INPP4B: variants seen among roughly 807,000 people sequenced by gnomAD.
The protein encoded by INPP4B is inositol polyphosphate-4-phosphatase type II B, also known as inositol polyphosphate 4-phosphatase type II.
A neutral mutation model predicts 122.5 loss-of-function variants in INPP4B; 55 were observed. The ratio of observed to expected loss-of-function variants is 0.45; its 90% CI spans 0.36 to 0.56. INPP4B has a LOEUF of 0.56. Ranked by LOEUF, INPP4B falls within the 20% of genes least tolerant of loss-of-function variation. The pLI, the probability that INPP4B is intolerant of heterozygous loss-of-function variation, is 0.00. For missense variants in INPP4B, 1,000 were observed against 1,097.7 expected, an observed-to-expected ratio of 0.91 and a Z score of 1.26; for synonymous variants, 403 against 388.7, an observed-to-expected ratio of 1.04 and a Z score of -0.43.
At chr4:142,290,736 T>G (rs1756086735) in intron 9 of INPP4B, among the ~76,000 whole-genome samples, 1 of 152,146 alleles carries the variant, frequency 6.6e-6, no homozygotes, top group Admixed American at 6.6e-5. Flanking sequence ...CCAATGAGAT[T>G]GGCACTGATC....
rs989054510 is a variant in INPP4B, at chr4:142,829,003, C to T, written c.-254+17206G>A. 1.1e-4 allele frequency among the ~76,000 whole-genome samples: 16 copies of T among 150,046 alleles called. No individual in the cohort carries two copies. The Admixed American group carries it at 1.1e-3, about 10-fold the overall frequency. On this transcript the variant is annotated intron_variant, in intron 1 of 25. Transcript: ENST00000262992. The stretch of plus-strand genomic sequence containing the variant: ...CCCCTGACTTCTGATGAACTTTAGC[C>T]AGGGTGGATCATAGGTAGATCAGAG...
chr4:142,277,682 TAC>T lies in INPP4B; in HGVS notation c.504-6910_504-6909del, dbSNP rs3076592. Among the ~76,000 whole-genome samples, 706 of 147,118 alleles carry T rather than the reference TAC, an allele frequency of 4.8e-3. 3 individuals carry two copies. Among genetic ancestry groups the T allele is most frequent in the Non-Finnish European group, 6.5e-3 (435 of 66,508 alleles). On this transcript the variant is annotated intron_variant, in intron 9 of 25. Transcript: ENST00000262992. ...AGAAAATATCATACACACACACACA[TAC>T]ACACACACACACACACACACACACC... is the stretch of plus-strand genomic sequence containing the variant.
intron 2 of INPP4B, among the ~76,000 whole-genome samples, chr4:142,515,914 G>T (rs915820011): frequency 6.6e-6 from 1 of 152,066 alleles, no homozygotes; most frequent in Admixed American, 6.6e-5. Flanking sequence ...CCATGAAAAG[G>T]CATTGTTCTA....
At chr4:142,687,361 A>C (rs1759494422) in intron 2 of INPP4B, among the ~76,000 whole-genome samples, 1 of 152,052 alleles carries the variant, frequency 6.6e-6, no homozygotes, top group South Asian at 2.1e-4. Flanking sequence ...GAAAATCAAG[A>C]AAAGGCAAAA....
At chr4:142,414,247 A>G (rs1206544632) in intron 5 of INPP4B, among the ~76,000 whole-genome samples, 1 of 152,064 alleles carries the variant, frequency 6.6e-6, no homozygotes, top group Non-Finnish European at 1.5e-5. Context: ...ACATGTCACC[A>G]TTATTTTATG....
chr4:142,432,140 C>G (rs1426905354), intron 3 of INPP4B, among the ~76,000 whole-genome samples: 1 of 152,030 alleles, frequency 6.6e-6, no homozygotes, highest in Non-Finnish European at 1.5e-5. Context: ...TTATATTTAA[C>G]ATGATATATA....
At chr4:142,510,614 A>C (rs1824590849) in intron 2 of INPP4B, among the ~76,000 whole-genome samples, 1 of 152,202 alleles carries the variant, frequency 6.6e-6, no homozygotes, top group African/African-American at 2.4e-5. Context: ...TATGTAATGT[A>C]GAGTTCTATT....
intron 12 of INPP4B, among the ~76,000 whole-genome samples, chr4:142,209,544 G>T (rs759358774): frequency 6.6e-6 from 1 of 151,886 alleles, no homozygotes; most frequent in Non-Finnish European, 1.5e-5. Flanking sequence ...TGTAATCCCA[G>T]CACTTTGGGA....
At position 142,305,490 on chromosome 4, in the gene INPP4B, C is replaced by G; in HGVS notation, c.471G>C (p.Lys157Asn). The G allele has an allele frequency of 6.2e-7, 1 of 1,613,066 alleles. No individual in the cohort carries two copies. The highest frequency in any genetic ancestry group is 8.5e-7 in the Non-Finnish European group (1 of 1,179,374). Residue 157 changes from lysine to asparagine, a missense_variant, in exon 9 of 26, where the codon AAG (lysine) becomes AAC (asparagine). Transcript: ENST00000262992. ...TCAGGACCAGCAATTGCTCCTTTGA[C>G]TTCAGCAGCTCTCCCACTTTAAAAC... ...YASFKVGELL[K>N]SKEQLLVLSL...
chr4:142,050,889 A>G (rs533253381), intron 25 of INPP4B, among the ~76,000 whole-genome samples: 1 of 152,106 alleles, frequency 6.6e-6, no homozygotes, highest in African/African-American at 2.4e-5. Context: ...CACAGATACA[A>G]CCAACCACCC....
intron 1 of INPP4B, among the ~76,000 whole-genome samples, chr4:142,758,442 T>C (rs889308946): frequency 1.3e-5 from 2 of 152,078 alleles, no homozygotes; most frequent in African/African-American, 4.8e-5. Flanking sequence ...AGGACTCTTT[T>C]TGGAAAAGAG....
chr4:142,491,100 C>T (rs1269403246), intron 2 of INPP4B, among the ~76,000 whole-genome samples: 2 of 152,070 alleles, frequency 1.3e-5, no homozygotes, highest in Non-Finnish European at 2.9e-5. Context: ...ATTTCTGGAT[C>T]ATAAGGTAGT....
At chr4:142,811,921 A>T (rs912153070) in intron 1 of INPP4B, among the ~76,000 whole-genome samples, 5 of 152,190 alleles carry the variant, frequency 3.3e-5, no homozygotes, top group African/African-American at 1.2e-4. Context: ...TAATTGAATA[A>T]ATATATACTC....
chr4:142,171,164 C>A (rs773640314), intron 16 of INPP4B, among the ~76,000 whole-genome samples: 7 of 151,154 alleles, frequency 4.6e-5, no homozygotes, highest in Non-Finnish European at 8.8e-5. Context: ...AAATAGAATA[C>A]CTCCTTCTTC....
At chr4:142,263,520 T>C (rs1196339940) in intron 10 of INPP4B, among the ~76,000 whole-genome samples, 1 of 151,112 alleles carries the variant, frequency 6.6e-6, no homozygotes, top group African/African-American at 2.4e-5. Flanking sequence ...CATTTATTTC[T>C]GACTTAGACT....
rs143733030 is a variant in INPP4B, at chr4:142,573,533, G to T, written c.-190-110807C>A. On this transcript the variant is annotated intron_variant, in intron 2 of 25. Coordinates refer to ENST00000262992, the MANE Select transcript of INPP4B (RefSeq NM_001101669.3). Reference sequence around the variant, plus strand: ...TCATATACCTGGCTCAGACATAAGTGATCTCTATTGCCTGTTTCTAAATCT... The same window carrying T: ...TCATATACCTGGCTCAGACATAAGTTATCTCTATTGCCTGTTTCTAAATCT... 3.3e-3 allele frequency among the ~76,000 whole-genome samples: 501 copies of T among 152,196 alleles called. 7 individuals are homozygous for T. Among genetic ancestry groups the T allele is most frequent in the East Asian group, 0.018 (93 of 5,154 alleles).
intron 25 of INPP4B, among the ~76,000 whole-genome samples, chr4:142,034,454 G>A (rs563456359): frequency 4.0e-5 from 6 of 151,890 alleles, no homozygotes; most frequent in African/African-American, 9.7e-5. Context: ...CTGCCCCCGC[G>A]ATCCCCTCTT....
chr4:142,425,847 A>G (rs1807926251), intron 5 of INPP4B, among the ~76,000 whole-genome samples: 1 of 152,008 alleles, frequency 6.6e-6, no homozygotes, highest in African/African-American at 2.4e-5. Context: ...ACCTGTGCTT[A>G]TTAATGCTTT....
chr4:142,423,087 C>G (rs994377079), intron 5 of INPP4B, among the ~76,000 whole-genome samples: 2 of 152,028 alleles, frequency 1.3e-5, no homozygotes, highest in Non-Finnish European at 2.9e-5. Context: ...CTCCATTCTC[C>G]CACTGGAGTT....
Sources: gnomAD v4.1 joint callset for allele counts (sites outside exome capture counted in the v4.1 genomes callset) on GRCh38, gnomAD v4.1.1 for gene constraint, MANE v1.5 for transcripts, NCBI Gene and HGNC (gene_info 2026-07-23, HGNC 2026-07-21) for gene names.